The following BRCC3 variants were observed in gnomAD, a reference collection of about 807,000 sequenced individuals.
The protein encoded by BRCC3 is lys-63-specific deubiquitinase BRCC36.
A neutral mutation model predicts 28.0 loss-of-function variants in BRCC3; 15 were observed. The ratio of observed to expected loss-of-function variants is 0.54; its 90% confidence interval spans 0.36 to 0.82. The LOEUF (loss-of-function observed/expected upper bound fraction) is 0.82, where lower values mean the gene tolerates loss of function less well. Ranked by LOEUF, BRCC3 falls within the 40% of genes least tolerant of loss-of-function variation. BRCC3 has a pLI of 0.01. For synonymous variants in BRCC3, 66 were observed against 80.3 expected, an observed-to-expected ratio of 0.82 and a Z score of 0.95; for missense variants, 109 against 225.9, an observed-to-expected ratio of 0.48 and a Z score of 3.32.
At chrX:155,101,181 G>A (rs782549683) in intron 7 of BRCC3, among the ~76,000 whole-genome samples, 56 of 111,948 alleles carry the variant, frequency 5.0e-4, no homozygotes, top group African/African-American at 1.6e-3. Context: ...CTACAGGCAT[G>A]CACCAGTGCA....
intron 7 of BRCC3, among the ~76,000 whole-genome samples, chrX:155,101,506 C>T (rs1172579616): frequency 8.9e-6 from 1 of 112,078 alleles, no homozygotes; most frequent in African/African-American, 3.2e-5. Flanking sequence ...TGGTATTCTT[C>T]TCTAAGAAAG....
chrX:155,085,945 G>C (rs1268238902), intron 5 of BRCC3, among the ~76,000 whole-genome samples: 3 of 111,866 alleles, frequency 2.7e-5, no homozygotes, highest in African/African-American at 9.8e-5. Context: ...GATTTCAGGA[G>C]GTTCTTTCCC....
At chrX:155,086,453 C>T (rs965958630) in intron 5 of BRCC3, among the ~76,000 whole-genome samples, 1 of 111,625 alleles carries the variant, frequency 9.0e-6, no homozygotes, top group Non-Finnish European at 1.9e-5. Context: ...TGGGCTCAAG[C>T]GATTCTCCTG....
intron 5 of BRCC3, among the ~76,000 whole-genome samples, chrX:155,083,556 A>C (rs1164864539): frequency 8.9e-6 from 1 of 111,834 alleles, no homozygotes; most frequent in African/African-American, 3.3e-5. Flanking sequence ...CTTTGCCACT[A>C]TACTGGATTC....
intron 9 of BRCC3, among the ~76,000 whole-genome samples, chrX:155,119,145 A>G (rs782414723): frequency 2.7e-5 from 3 of 112,110 alleles, no homozygotes; most frequent in African/African-American, 9.7e-5. Context: ...AGAAGTATAG[A>G]TTAAGATAAG....
chrX:155,096,095 A>G (rs2074207628), intron 7 of BRCC3, among the ~76,000 whole-genome samples: 1 of 112,427 alleles, frequency 8.9e-6, no homozygotes, highest in African/African-American at 3.2e-5. Flanking sequence ...ATAAAAAAGA[A>G]ACAAAGTATA....
In BRCC3 at chrX:155,120,106, C is replaced by T; in HGVS notation, c.832C>T (p.Gln278Ter). The T allele has an allele frequency of 1.7e-6, 2 of 1,209,461 alleles. No homozygotes were observed. Among genetic ancestry groups the T allele is most frequent in the Non-Finnish European group, 2.2e-6 (2 of 893,651 alleles). ...QNQQHLQELQQEKEELMQELS... is the reference protein window; with the variant it reads ...QNQQHLQELQ ...CCAACAGCATTTGCAGGAATTACAA[C>T]AAGAAAAGGAAGAGCTTATGCAAGA... Residue 278 changes from glutamine to a stop codon, truncating the protein, a stop_gained, in exon 10 of 11, where the codon CAA (glutamine) becomes TAA (stop). Coordinates refer to ENST00000330045, the MANE Select transcript of BRCC3 (RefSeq NM_001018055.3). LOFTEE classifies it high-confidence loss of function.
chrX:155,105,159 C>T (rs985418299), intron 7 of BRCC3, among the ~76,000 whole-genome samples: 1 of 112,151 alleles, frequency 8.9e-6, no homozygotes, highest in Non-Finnish European at 1.9e-5. Flanking sequence ...TTCTAAATGG[C>T]AATCTACCTG....
At chrX:155,087,189 G>A (rs1423894597) in intron 5 of BRCC3, among the ~76,000 whole-genome samples, 5 of 112,035 alleles carry the variant, frequency 4.5e-5, no homozygotes, top group African/African-American at 1.6e-4. Context: ...GGTAGACAAT[G>A]CTCAGAGGGG....
chrX:155,086,317 C>T (rs1289921133), intron 5 of BRCC3, among the ~76,000 whole-genome samples: 3 of 111,479 alleles, frequency 2.7e-5, no homozygotes, highest in African/African-American at 6.5e-5. Context: ...ACATTGTGCA[C>T]CCAGTCTTGT....
intron 5 of BRCC3, 122 bp downstream of exon 5, chrX:155,078,825 A>T (rs1557293916): frequency 4.7e-6 from 2 of 425,748 alleles, no homozygotes; most frequent in African/African-American, 5.1e-5. Flanking sequence ...AGATGTCATT[A>T]TTTTGATTTA....
At chrX:155,086,244 G>C (rs1460706071) in intron 5 of BRCC3, among the ~76,000 whole-genome samples, 5 of 111,207 alleles carry the variant, frequency 4.5e-5, no homozygotes, top group South Asian at 3.7e-4. Flanking sequence ...TGGTCAGAAG[G>C]CATGTCCGAG....
chrX:155,104,433 A>G (rs782099944), intron 7 of BRCC3, among the ~76,000 whole-genome samples: 1 of 112,230 alleles, frequency 8.9e-6, no homozygotes, highest in South Asian at 3.7e-4. Flanking sequence ...TTTCCCCACT[A>G]CTGAGGCAAG....
chrX:155,086,605 C>T (rs1184218800), intron 5 of BRCC3, among the ~76,000 whole-genome samples: 4 of 110,921 alleles, frequency 3.6e-5, no homozygotes, highest in East Asian at 2.9e-4. Flanking sequence ...GTGGTCTGCC[C>T]GCCTTGGCCT....
intron 5 of BRCC3, among the ~76,000 whole-genome samples, chrX:155,085,987 C>T (rs892596695): frequency 2.7e-5 from 3 of 111,674 alleles, no homozygotes; most frequent in African/African-American, 9.8e-5. Context: ...ATGTCTGAAG[C>T]GCTCTCGATA....
At position 155,077,257 on chromosome X, in the gene BRCC3, G is replaced by T. The variant is rs782005146; in HGVS notation, c.283G>T (p.Glu95Ter). The T allele has an allele frequency of 8.4e-7, 1 of 1,188,820 alleles. No homozygotes were observed. The highest frequency in any genetic ancestry group is 1.8e-5 in the South Asian group (1 of 56,416). The change falls in exon 4 of 11, where the codon GAG (glutamate) becomes TAG (stop). Residue 95 changes from glutamate (E) to a stop codon, truncating the protein, a stop_gained. Transcript: ENST00000330045. LOFTEE classifies it high-confidence loss of function. The part of the protein sequence containing the change: ...KRKDRVEISP[E>*]QLSAASTEAE... ...GAAGGACCGAGTAGAAATTTCTCCA[G>T]AGCAGCTGTCTGCAGCTTCAACAGA...
At chrX:155,073,526 G>A in intron 3 of BRCC3, 95 bp downstream of exon 3, 2 of 956,261 alleles carry the variant, frequency 2.1e-6, no homozygotes, top group Non-Finnish European at 2.9e-6. Context: ...GTTTCTGGCT[G>A]GATGAGATAT....
At chrX:155,087,387 G>A (rs1271299162) in intron 5 of BRCC3, among the ~76,000 whole-genome samples, 3 of 112,142 alleles carry the variant, frequency 2.7e-5, no homozygotes, top group Non-Finnish European at 5.6e-5. Flanking sequence ...GGGCAGGGTC[G>A]GCTCGCTTTG....
chrX:155,118,822 C>T (rs1174363196), intron 9 of BRCC3, among the ~76,000 whole-genome samples: 1 of 111,812 alleles, frequency 8.9e-6, no homozygotes, highest in Non-Finnish European at 1.9e-5. Flanking sequence ...CATTGGGGGT[C>T]ACATTTTAAC....
Sources: allele counts gnomAD v4.1 joint callset (sites outside exome capture counted in the v4.1 genomes callset), GRCh38; gene constraint gnomAD v4.1.1; transcripts MANE v1.5; gene names NCBI Gene and HGNC (gene_info 2026-07-23, HGNC 2026-07-21).